Variants in FER1L6 observed in about 807,000 individuals in gnomAD.
FER1L6 encodes the protein fer-1 like family member 6.
A neutral mutation model predicts 219.2 loss-of-function variants in FER1L6; 177 were observed. That is an observed-to-expected ratio of 0.81 (90% CI 0.71 to 0.91). The LOEUF is 0.91. Ranked by LOEUF, FER1L6 falls within the 40% of genes least tolerant of loss-of-function variation. FER1L6 has a pLI of 0.00. For missense variants in FER1L6, 2,153 were observed against 2,259.9 expected (o/e 0.95, Z 0.96); for synonymous variants, 768 against 824.3 (o/e 0.93, Z 1.17).
intron 22 of FER1L6, among the ~76,000 whole-genome samples, chr8:124,059,325 T>G (rs1820450791): frequency 6.6e-6 from 1 of 152,206 alleles, no homozygotes; most frequent in Non-Finnish European, 1.5e-5. Flanking sequence ...AGAGCCTTAT[T>G]TCTGGACTCA....
At chr8:124,043,411 C>T (rs1300448476) in intron 20 of FER1L6, among the ~76,000 whole-genome samples, 6 of 152,168 alleles carry the variant, frequency 3.9e-5, no homozygotes, top group African/African-American at 1.4e-4. Flanking sequence ...GCTCCATCAT[C>T]AAAATGTTAG....
chr8:124,046,157 G>A (rs1015843072), intron 21 of FER1L6: 57 of 394,862 alleles, frequency 1.4e-4, no homozygotes, highest in East Asian at 9.1e-5. Flanking sequence ...TTTACAGAAC[G>A]TCAGTCTACA....
intron 23 of FER1L6, 76 bp from the exon 24 acceptor site, chr8:124,060,472 T>C (rs974816130): frequency 1.3e-6 from 2 of 1,582,310 alleles, no homozygotes; most frequent in African/African-American, 2.7e-5. Context: ...AGGTCTAACT[T>C]TTCCACACAG....
chr8:123,878,725 T>G (rs928677781), intron 1 of FER1L6, among the ~76,000 whole-genome samples: 1 of 152,248 alleles, frequency 6.6e-6, no homozygotes, highest in Non-Finnish European at 1.5e-5. Context: ...TACTTTTTTT[T>G]GCCTTGTCCA....
intron 20 of FER1L6, among the ~76,000 whole-genome samples, chr8:124,043,899 C>T (rs1394086488): frequency 1.3e-5 from 2 of 152,168 alleles, no homozygotes; most frequent in African/African-American, 2.4e-5. Context: ...AAGGACAGGT[C>T]GATACGCACT....
At position 123,853,628 on chromosome 8, in the gene FER1L6, G is replaced by A. The variant is rs1233584294; in HGVS notation, c.-8+1443G>A. 1.3e-5 allele frequency among the ~76,000 whole-genome samples: 2 copies of A among 152,160 alleles called. No homozygotes were observed. Among genetic ancestry groups the A allele is most frequent in the Non-Finnish European group, 2.9e-5 (2 of 68,020 alleles). ...TGGATGAGTAGAGAAAAAGGGGTAG[G>A]TACGCCTCACCACGGGCAAGCGTGG... On this transcript the variant is annotated intron_variant, in intron 1 of 40. Transcript: ENST00000522917. The surrounding 1 kb of genome is among the most constrained non-coding windows in gnomAD (Gnocchi z 6.6).
At chr8:124,098,033 T>C in intron 37 of FER1L6, 150 bp downstream of exon 37, 1 of 506,710 alleles carries the variant, frequency 2.0e-6, no homozygotes, top group South Asian at 3.4e-5. Context: ...TGTCTAATAT[T>C]TGTCTTATTT....
At chr8:124,014,735 G>A (rs1586592411) in intron 15 of FER1L6, among the ~76,000 whole-genome samples, 1 of 152,074 alleles carries the variant, frequency 6.6e-6, no homozygotes, top group East Asian at 1.9e-4. Context: ...TTATTCTAGA[G>A]GGCAGACAAT....
At chr8:123,909,819 T>A (rs1278765620) in intron 1 of FER1L6, among the ~76,000 whole-genome samples, 1 of 151,384 alleles carries the variant, frequency 6.6e-6, no homozygotes, top group African/African-American at 2.4e-5. Flanking sequence ...AGCAATCAAA[T>A]GAAACAGAGG....
chr8:124,075,586 C>T (rs1324387270), intron 31 of FER1L6, among the ~76,000 whole-genome samples: 1 of 152,034 alleles, frequency 6.6e-6, no homozygotes. Flanking sequence ...ATACATAAAC[C>T]AGTAACATCA....
chr8:123,913,359 T>G (rs1215042114), intron 1 of FER1L6, among the ~76,000 whole-genome samples: 1 of 152,174 alleles, frequency 6.6e-6, no homozygotes, highest in Non-Finnish European at 1.5e-5. Context: ...TATTTGATAT[T>G]TACAAAAATC....
intron 22 of FER1L6, among the ~76,000 whole-genome samples, chr8:124,059,390 T>C (rs991273643): frequency 2.6e-5 from 4 of 152,040 alleles, no homozygotes; most frequent in Admixed American, 6.6e-5. Context: ...TCAAAAGGCA[T>C]TGAATGGTAG....
intron 19 of FER1L6, among the ~76,000 whole-genome samples, chr8:124,036,599 C>T (rs565718122): frequency 1.8e-4 from 27 of 152,202 alleles, no homozygotes; most frequent in Middle Eastern, 3.4e-3. Context: ...TTCCACCATA[C>T]CTTGAGAGAG....
intron 6 of FER1L6, among the ~76,000 whole-genome samples, chr8:123,970,743 G>C (rs1262760293): frequency 1.3e-5 from 2 of 152,170 alleles, no homozygotes; most frequent in Non-Finnish European, 2.9e-5. Context: ...CCTGATCTAA[G>C]GGCCCAATCC....
At chr8:123,890,206 C>T (rs1005950060) in intron 1 of FER1L6, among the ~76,000 whole-genome samples, 2 of 152,042 alleles carry the variant, frequency 1.3e-5, no homozygotes, top group Non-Finnish European at 2.9e-5. Flanking sequence ...ACTTACTGGT[C>T]ATGTGCCTAC....
chr8:123,930,624 A>C (rs11993828), intron 1 of FER1L6, among the ~76,000 whole-genome samples: 1 of 151,968 alleles, frequency 6.6e-6, no homozygotes, highest in Non-Finnish European at 1.5e-5. Flanking sequence ...TTCAAATTCC[A>C]TTTCTACCAC....
chr8:124,002,596 A>G (rs1817465999), intron 12 of FER1L6, among the ~76,000 whole-genome samples: 1 of 152,168 alleles, frequency 6.6e-6, no homozygotes, highest in Admixed American at 6.5e-5. Flanking sequence ...ATCTATTCCT[A>G]TACAAAGATA....
intron 1 of FER1L6, among the ~76,000 whole-genome samples, chr8:123,955,495 G>T (rs548574677): frequency 2.6e-5 from 4 of 152,326 alleles, no homozygotes; most frequent in South Asian, 2.1e-4. Context: ...GGCTCTGGCT[G>T]CCCAGTGGTT....
chr8:123,981,275 G>A lies in FER1L6; in HGVS notation c.1410+464G>A, dbSNP rs145794031. On this transcript the variant is annotated intron_variant, in intron 11 of 40. Transcript: ENST00000522917. The stretch of plus-strand genomic sequence containing the variant: ...CTACTCCCCTACCCCAAACCTGTGC[G>A]GGAAATCACAACTCTAGGGTATGCT... 2.1e-3 allele frequency among the ~76,000 whole-genome samples: 314 copies of A among 152,230 alleles called. 4 individuals are homozygous for A. The East Asian group carries it at 0.043, about 21-fold the overall frequency.
Sources: allele counts gnomAD v4.1 joint callset (sites outside exome capture counted in the v4.1 genomes callset), GRCh38; gene constraint gnomAD v4.1.1; non-coding constraint Gnocchi (gnomAD v3.1); transcripts MANE v1.5; gene names NCBI Gene and HGNC (gene_info 2026-07-23, HGNC 2026-07-21).